RAB5IF: variants seen among roughly 807,000 people sequenced by gnomAD.
RAB5IF encodes RAB5 interacting factor, also known as GEL complex subunit OPTI.
A neutral mutation model predicts 20.3 loss-of-function variants in RAB5IF; 15 were observed. The ratio of observed to expected loss-of-function variants is 0.74; its 90% CI spans 0.50 to 1.14. RAB5IF has a LOEUF of 1.14. RAB5IF is among the 50% of genes most tolerant of loss of function. The probability of loss-of-function intolerance (pLI) is 0.00; values close to 1 mark genes in which losing one functional copy is unlikely to be tolerated. For missense variants in RAB5IF, 148 were observed against 159.5 expected (o/e 0.93, Z 0.39); for synonymous variants, 67 against 63.7 (o/e 1.05, Z -0.25).
At chr20:36,607,603 G>T (rs1600800412) in intron 1 of RAB5IF, 112 bp from the exon 2 acceptor site, 3 of 1,286,598 alleles carry the variant, frequency 2.3e-6, no homozygotes, top group East Asian at 2.5e-5. Context: ...GTTGCCTTTG[G>T]GGGGAAACAA....
rs1314054473 is a variant in RAB5IF at position 36,605,921 on chromosome 20, C to T, written c.-31C>T. 25 of 1,421,520 alleles carry T rather than the reference C, an allele frequency of 1.8e-5. No homozygotes were observed. Among genetic ancestry groups the T allele is most frequent in the African/African-American group, 3.0e-5 (2 of 67,414 alleles). 88.1% of individuals were successfully genotyped at this position (1,421,520 alleles called of 1,614,324 possible). On this transcript the variant is annotated 5_prime_UTR_variant, in exon 1 of 4. Transcript: ENST00000344795. ...CTCCCTTTGGCTCAGCCCGCGCGCC[C>T]CAGGCCCGGCCCGGGCGGCGCGACG...
Position 36,612,247 on chromosome 20 carries a change from T to C in RAB5IF, c.*196T>C. On this transcript the variant is annotated 3_prime_UTR_variant, in exon 4 of 4. Coordinates refer to ENST00000344795, the MANE Select transcript of RAB5IF (RefSeq NM_018840.5). The stretch of plus-strand genomic sequence containing the variant: ...GAAACTTTTTAAAAACCACCCACCT[T>C]TGGGGAAGCATTTCTGAATTTATCC... 1 of 1,606,134 alleles carries C rather than the reference T, an allele frequency of 6.2e-7. No individual in the cohort carries two copies. The highest frequency in any genetic ancestry group is 8.5e-7 in the Non-Finnish European group (1 of 1,172,836).
At chr20:36,611,313 A>G (rs2039108366) in intron 3 of RAB5IF, among the ~76,000 whole-genome samples, 1 of 151,624 alleles carries the variant, frequency 6.6e-6, no homozygotes, top group South Asian at 2.1e-4. Flanking sequence ...AATTATACTC[A>G]TGGCCTGGCA....
chr20:36,608,034 C>T, intron 2 of RAB5IF: 1 of 1,339,288 alleles, frequency 7.5e-7, no homozygotes, highest in Non-Finnish European at 1.0e-6. Context: ...TTCCTGAAGG[C>T]TGGGCCAGTC....
chr20:36,610,402 C>T (rs6093140), intron 3 of RAB5IF, among the ~76,000 whole-genome samples: 1 of 151,972 alleles, frequency 6.6e-6, no homozygotes, highest in African/African-American at 2.4e-5. Context: ...GTTATTTGGC[C>T]TTAAAAAGGA....
At chr20:36,611,197 CCAGGCTGGT>C (rs1204037100) in intron 3 of RAB5IF, among the ~76,000 whole-genome samples, 1 of 152,170 alleles carries the variant, frequency 6.6e-6, no homozygotes, top group East Asian at 1.9e-4. Context: ...ATCATGTTGG[CCAGGCTGGT>C]CTTGGAACTC....
At position 36,606,013 on chromosome 20, in the gene RAB5IF, A is replaced by G. The variant is rs2038923758; in HGVS notation, c.62A>G (p.Lys21Arg). 1.3e-5 allele frequency: 20 copies of G among 1,529,940 alleles called. No individual in the cohort carries two copies. The highest frequency in any genetic ancestry group is 2.4e-5 in the South Asian group (2 of 81,658). The allele number at this position is 1,529,940 out of a possible 1,614,324, so 94.8% of individuals were successfully genotyped here. A position where few individuals can be genotyped will look rare whatever the true frequency, so the allele number is the denominator to read the frequency against. Reference protein sequence around the residue: ...PQPQLANGALKVSVWSKVLRS... With the variant: ...PQPQLANGALRVSVWSKVLRS... ...CCGCAGCTGGCCAACGGGGCCCTCA[A>G]AGTCTCCGTCTGGAGTAAGGTGCTG... is the stretch of plus-strand genomic sequence containing the variant. The change falls in exon 1 of 4, where the codon AAA (lysine) becomes AGA (arginine). Residue 21 changes from lysine to arginine, a missense_variant. Coordinates refer to ENST00000344795, the MANE Select transcript of RAB5IF (RefSeq NM_018840.5).
rs754188455 is a variant in RAB5IF, at chr20:36,612,197, G to C, written c.*146G>C. 2 of 1,614,112 alleles carry C rather than the reference G, an allele frequency of 1.2e-6. No homozygotes were observed. Among genetic ancestry groups the C allele is most frequent in the Non-Finnish European group, 1.7e-6 (2 of 1,180,054 alleles). ...CCGCGAATCAGTGTGTTGGGCATCA[G>C]TGTTTTCTGCAAGGGTTGTGACCTG... On this transcript the variant is annotated 3_prime_UTR_variant, in exon 4 of 4. Coordinates refer to ENST00000344795, the MANE Select transcript of RAB5IF (RefSeq NM_018840.5).
Position 36,609,195 on chromosome 20 carries a change from G to T in RAB5IF, c.219-406G>T, listed in dbSNP as rs1291177. On this transcript the variant is annotated intron_variant, in intron 2 of 3. Transcript: ENST00000344795. ...CACACACACACACACACACACACAC[G>T]CACACACGCACACACGCACACACGC... is the stretch of plus-strand genomic sequence containing the variant. Among the ~76,000 whole-genome samples the T allele has an allele frequency of 3.8e-4, 13 of 34,004 alleles. 4 individuals are homozygous for T. 22.3% of individuals were successfully genotyped at this position (34,004 alleles called of 152,430 possible).
At chr20:36,609,203 G>GCACA (rs1568595543) in intron 2 of RAB5IF, among the ~76,000 whole-genome samples, 5 of 34,612 alleles carry the variant, frequency 1.4e-4, no homozygotes, top group Non-Finnish European at 2.7e-4. Flanking sequence ...ACGCACACAC[G>GCACA]CACACACGCA....
chr20:36,609,130 C>T (rs1248662178), intron 2 of RAB5IF, among the ~76,000 whole-genome samples: 2 of 147,628 alleles, frequency 1.4e-5, no homozygotes, highest in African/African-American at 2.5e-5. Flanking sequence ...CATTCTGTTA[C>T]TTCAAGGGGC....
chr20:36,609,210 C>T (rs1260357653), intron 2 of RAB5IF, among the ~76,000 whole-genome samples: 8 of 60,218 alleles, frequency 1.3e-4, no homozygotes, highest in South Asian at 1.3e-3. Flanking sequence ...CACGCACACA[C>T]GCACACACGC....
intron 3 of RAB5IF, among the ~76,000 whole-genome samples, chr20:36,611,010 GAC>G (rs1420856695): frequency 6.6e-6 from 1 of 152,014 alleles, no homozygotes; most frequent in African/African-American, 2.4e-5. Context: ...TTATTTTTTT[GAC>G]ACAGGCTCAC....
intron 2 of RAB5IF, among the ~76,000 whole-genome samples, chr20:36,609,203 GCACACACGCACACACGCACACACA>G (rs2039030763): frequency 1.4e-4 from 5 of 34,612 alleles, no homozygotes; most frequent in Admixed American, 3.2e-4. Flanking sequence ...ACGCACACAC[GCACACACGCACACACGCACACACA>G]CACACACACA....
intron 3 of RAB5IF, among the ~76,000 whole-genome samples, chr20:36,611,762 G>A (rs949647975): frequency 3.9e-5 from 6 of 152,172 alleles, no homozygotes; most frequent in African/African-American, 1.4e-4. Flanking sequence ...AATTCCCTGG[G>A]CCTGGGGTTG....
At chr20:36,609,237 A>C (rs895718516) in intron 2 of RAB5IF, among the ~76,000 whole-genome samples, 13 of 130,598 alleles carry the variant, frequency 1.0e-4, no homozygotes, top group African/African-American at 2.0e-4. Flanking sequence ...ACACACACAC[A>C]CACACACACA....
At chr20:36,609,190 CACACGCACACACGCACACACGCACACACG>C (rs1568595421) in intron 2 of RAB5IF, among the ~76,000 whole-genome samples, 30 of 52,136 alleles carry the variant, frequency 5.8e-4, no homozygotes, top group African/African-American at 2.6e-3. Context: ...CACACACACA[CACACGCACACACGCACACACGCACACACG>C]CACACACACA....
intron 1 of RAB5IF, 92 bp from the exon 2 acceptor site, chr20:36,607,623 A>G (rs576219190): frequency 3.4e-5 from 50 of 1,478,556 alleles, no homozygotes; most frequent in Non-Finnish European, 2.8e-6. Context: ...AATTTCCTGG[A>G]TATGTTTAGC....
intron 3 of RAB5IF, among the ~76,000 whole-genome samples, chr20:36,611,345 A>G (rs2039109536): frequency 6.6e-6 from 1 of 151,822 alleles, no homozygotes; most frequent in East Asian, 1.9e-4. Context: ...GCCTGTAATT[A>G]TAGCACTTTA....
Sources: gnomAD v4.1 joint callset for allele counts (sites outside exome capture counted in the v4.1 genomes callset) on GRCh38, gnomAD v4.1.1 for gene constraint, MANE v1.5 for transcripts, NCBI Gene and HGNC (gene_info 2026-07-23, HGNC 2026-07-21) for gene names.